WDR27: variants seen among roughly 807,000 people sequenced by gnomAD.
The protein encoded by WDR27 is WD repeat-containing protein 27.
WDR27 carries 100 observed loss-of-function variants against 114.4 expected under a neutral mutation model. That is an observed-to-expected ratio of 0.87 (90% CI 0.74 to 1.03). WDR27 has a LOEUF of 1.03. Ranked by LOEUF, WDR27 falls within the 50% of genes least tolerant of loss-of-function variation. WDR27 has a pLI of 0.00. For missense variants in WDR27, 1,129 were observed against 1,092.9 expected, an observed-to-expected ratio of 1.03 and a Z score of -0.47; for synonymous variants, 449 against 423.1, an observed-to-expected ratio of 1.06 and a Z score of -0.75.
At position 169,670,715 on chromosome 6, in the gene WDR27, G is replaced by C. The variant is rs117853188; in HGVS notation, c.332-22C>G. 47 of 1,612,872 alleles carry C rather than the reference G, an allele frequency of 2.9e-5. No individual in the cohort carries two copies. The African/African-American group carries it at 5.5e-4, about 19-fold the overall frequency. On this transcript the variant is annotated intron_variant, in intron 3 of 25. Transcript: ENST00000448612. ...AGCCCTAGAGTGAGTTTCACCATTA[G>C]TGCCAGTTTACCAAATGCATTCAGC...
intron 22 of WDR27, among the ~76,000 whole-genome samples, chr6:169,608,116 T>C (rs1809637393): frequency 1.3e-5 from 2 of 152,026 alleles, no homozygotes; most frequent in Admixed American, 1.3e-4. Context: ...AGTAAATATA[T>C]GGTATAAAAG....
chr6:169,675,624 C>A (rs561981066), intron 2 of WDR27, among the ~76,000 whole-genome samples: 13 of 152,026 alleles, frequency 8.6e-5, no homozygotes, highest in African/African-American at 2.9e-4. Flanking sequence ...TTCAGAAAGG[C>A]GGGACAACTC....
rs147056064 is a variant in WDR27 at position 169,676,285 on chromosome 6, CTAAGGGGCT to C, written c.190-3898_190-3890del. ...TTTCTTCTCCTGTCCAAATTCCTATCTAAGGGGCTTAAGGATTCACACACTAAAAACCAT... is the reference window on the plus strand; with the variant it reads ...TTTCTTCTCCTGTCCAAATTCCTATCTAAGGATTCACACACTAAAAACCAT... On this transcript the variant is annotated intron_variant, in intron 2 of 25. Transcript: ENST00000448612. Among the ~76,000 whole-genome samples the C allele has an allele frequency of 1.4e-3, 216 of 152,280 alleles. 7 individuals are homozygous for C. In the East Asian group the frequency reaches 0.035, roughly 24 times the overall value.
intron 22 of WDR27, among the ~76,000 whole-genome samples, chr6:169,612,631 T>TTAAAAAA (rs556504417): frequency 2.1e-5 from 2 of 97,038 alleles, no homozygotes; most frequent in African/African-American, 8.3e-5. Context: ...CTGTCTAACA[T>TTAAAAAA]AAAAAAAAAA....
chr6:169,659,757 C>T lies in WDR27; in HGVS notation c.1130-239G>A, dbSNP rs1008559645. 2.6e-5 allele frequency among the ~76,000 whole-genome samples: 4 copies of T among 152,116 alleles called. 1 individual carries two copies. Among genetic ancestry groups the T allele is most frequent in the South Asian group, 4.1e-4 (2 of 4,824 alleles). On this transcript the variant is annotated intron_variant, in intron 10 of 25. Coordinates refer to ENST00000448612, the MANE Select transcript of WDR27 (RefSeq NM_182552.5). The surrounding 1 kb of genome is among the most constrained non-coding windows in gnomAD (Gnocchi z 4.3). ...CCTGAGCGTCACACATGCCAGGCTC[C>T]GCTCTGAGGCTGGGATGTGACTCGG...
At chr6:169,477,936 C>G (rs1295365269) in intron 25 of WDR27, among the ~76,000 whole-genome samples, 8 of 152,152 alleles carry the variant, frequency 5.3e-5, no homozygotes, top group Non-Finnish European at 1.2e-4. Flanking sequence ...TGTGACATAT[C>G]TATGCAATGG....
chr6:169,446,032 C>T, the WDR27 span, among the ~76,000 whole-genome samples: 2 of 152,240 alleles, frequency 1.3e-5, no homozygotes, highest in East Asian at 1.9e-4. Flanking sequence ...CTGTCACTTA[C>T]CCAGTGAAAC....
At chr6:169,483,186 GA>G (rs1788429119) in intron 25 of WDR27, among the ~76,000 whole-genome samples, 1 of 152,272 alleles carries the variant, frequency 6.6e-6, no homozygotes, top group South Asian at 2.1e-4. Flanking sequence ...ACCAAAATCA[GA>G]GCTGAACTGA....
chr6:169,523,976 AT>A (rs554145022), intron 25 of WDR27, among the ~76,000 whole-genome samples: 170 of 152,206 alleles, frequency 1.1e-3, no homozygotes, highest in Non-Finnish European at 1.9e-3. Context: ...AATAGACATA[AT>A]AGGTAGGGAA....
chr6:169,466,815 C>T (rs1785653585), intron 25 of WDR27, among the ~76,000 whole-genome samples: 1 of 152,210 alleles, frequency 6.6e-6, no homozygotes, highest in Non-Finnish European at 1.5e-5. Context: ...AAAACACAAT[C>T]ATGCTTTTCC....
At chr6:169,624,143 C>CGG (rs1562728997) in intron 21 of WDR27, among the ~76,000 whole-genome samples, 1 of 149,574 alleles carries the variant, frequency 6.7e-6, no homozygotes, top group East Asian at 2.0e-4. Flanking sequence ...GTCAGGTGTG[C>CGG]CGTGTGGGGC....
intron 13 of WDR27, among the ~76,000 whole-genome samples, chr6:169,655,550 C>T (rs1823899794): frequency 6.6e-6 from 1 of 152,134 alleles, no homozygotes; most frequent in Non-Finnish European, 1.5e-5. Flanking sequence ...CAGAAAAGAA[C>T]GCACTTAAGA....
At chr6:169,660,385 C>A (rs771519690) in intron 10 of WDR27, among the ~76,000 whole-genome samples, 6 of 152,118 alleles carry the variant, frequency 3.9e-5, no homozygotes, top group Non-Finnish European at 7.4e-5. Context: ...AGGTGTTCCA[C>A]GCTGCTGGGG....
intron 8 of WDR27, among the ~76,000 whole-genome samples, chr6:169,662,959 C>G (rs1437250159): frequency 8.7e-5 from 13 of 149,622 alleles, no homozygotes; most frequent in Admixed American, 8.6e-4. Flanking sequence ...AAGGAAAGCA[C>G]TAAGGTAACA....
At chr6:169,666,904 G>T (rs185149127) in intron 6 of WDR27, 45 of 985,444 alleles carry the variant, frequency 4.6e-5, no homozygotes, top group Non-Finnish European at 9.6e-6. Flanking sequence ...CTCCAAAACA[G>T]AAAGGCCCAG....
intron 21 of WDR27, among the ~76,000 whole-genome samples, chr6:169,617,892 C>A (rs576671777): frequency 3.9e-4 from 59 of 152,298 alleles, no homozygotes; most frequent in African/African-American, 1.3e-3. Context: ...GATTTTACAG[C>A]CTGCTCTTCG....
chr6:169,615,489 C>A, intron 21 of WDR27, among the ~76,000 whole-genome samples: 1 of 152,072 alleles, frequency 6.6e-6, no homozygotes, highest in Admixed American at 6.6e-5. Flanking sequence ...CACATACCTA[C>A]GACCGACTGA....
intron 25 of WDR27, chr6:169,558,345 A>G (rs2128110533): frequency 6.6e-6 from 1 of 152,266 alleles, no homozygotes; most frequent in South Asian, 2.1e-4. Flanking sequence ...AATTTTTAAT[A>G]ATTAGTAATA....
intron 25 of WDR27, among the ~76,000 whole-genome samples, chr6:169,466,065 T>C (rs888424098): frequency 6.6e-6 from 1 of 152,228 alleles, no homozygotes; most frequent in Admixed American, 6.5e-5. Context: ...GAAATACATT[T>C]CTATAACTTC....
Sources: allele counts gnomAD v4.1 joint callset (sites outside exome capture counted in the v4.1 genomes callset), GRCh38; gene constraint gnomAD v4.1.1; non-coding constraint Gnocchi (gnomAD v3.1); transcripts MANE v1.5; gene names NCBI Gene and HGNC (gene_info 2026-07-23, HGNC 2026-07-21).